The following NKAIN3 variants were observed in gnomAD, a reference collection of about 807,000 sequenced individuals.
NKAIN3 encodes sodium/potassium-transporting ATPase subunit beta-1-interacting protein 3.
A neutral mutation model predicts 30.2 loss-of-function variants in NKAIN3; 25 were observed. That is an observed-to-expected ratio of 0.83 (90% CI 0.60 to 1.16). The LOEUF (loss-of-function observed/expected upper bound fraction) is 1.16. Ranked by LOEUF, NKAIN3 falls within the 50% of genes most tolerant of loss-of-function variation. The pLI is 0.00. For missense variants in NKAIN3, 225 were observed against 254.1 expected, an observed-to-expected ratio of 0.89 and a Z score of 0.78; for synonymous variants, 91 against 89.6, an observed-to-expected ratio of 1.02 and a Z score of -0.09.
chr8:62,831,287 G>C (rs1819190230), intron 4 of NKAIN3, among the ~76,000 whole-genome samples: 1 of 152,120 alleles, frequency 6.6e-6, no homozygotes, highest in South Asian at 2.1e-4. Flanking sequence ...AGCATCCCCA[G>C]ATGAGACGGA....
chr8:62,676,662 A>G (rs554215871), intron 3 of NKAIN3, among the ~76,000 whole-genome samples: 25 of 152,114 alleles, frequency 1.6e-4, no homozygotes, highest in Non-Finnish European at 2.9e-4. Flanking sequence ...GTTAAGTTAT[A>G]TGAGGTTTAT....
intron 1 of NKAIN3, among the ~76,000 whole-genome samples, chr8:62,499,877 G>A (rs1206979865): frequency 7.4e-6 from 1 of 134,288 alleles, no homozygotes; most frequent in Non-Finnish European, 1.6e-5. Context: ...TTTTCTTTTT[G>A]TGTCCTTGTC....
chr8:62,657,564 G>T (rs1812797081), intron 3 of NKAIN3, among the ~76,000 whole-genome samples: 1 of 152,144 alleles, frequency 6.6e-6, no homozygotes, highest in Non-Finnish European at 1.5e-5. Context: ...ATAAAACTTT[G>T]TGGTTTACAT....
At chr8:62,570,057 T>A (rs1297682056) in intron 1 of NKAIN3, among the ~76,000 whole-genome samples, 2 of 152,206 alleles carry the variant, frequency 1.3e-5, no homozygotes. Context: ...GTTTTAATCT[T>A]TTTCATTGTG....
chr8:62,463,328 G>A (rs1047243361), intron 1 of NKAIN3, among the ~76,000 whole-genome samples: 4 of 152,170 alleles, frequency 2.6e-5, no homozygotes, highest in African/African-American at 7.2e-5. Context: ...CTCAGAAAAT[G>A]TTGAAAATCT....
At chr8:62,607,216 T>C (rs1811156560) in intron 3 of NKAIN3, among the ~76,000 whole-genome samples, 2 of 152,190 alleles carry the variant, frequency 1.3e-5, no homozygotes, top group South Asian at 4.1e-4. Flanking sequence ...ATATTCTTGA[T>C]TTAAAATGTC....
At chr8:62,938,644 G>A (rs1339838584) in intron 5 of NKAIN3, among the ~76,000 whole-genome samples, 4 of 152,126 alleles carry the variant, frequency 2.6e-5, no homozygotes, top group African/African-American at 9.7e-5. Flanking sequence ...GACCCAAAGA[G>A]AAATAACAAT....
chr8:62,951,868 T>G (rs2130895042), intron 5 of NKAIN3, among the ~76,000 whole-genome samples: 1 of 152,288 alleles, frequency 6.6e-6, no homozygotes, highest in East Asian at 1.9e-4. Context: ...TGGCATGATC[T>G]CAGCTCACTG....
chr8:62,431,768 C>A (rs1246192481), intron 1 of NKAIN3, among the ~76,000 whole-genome samples: 2 of 150,142 alleles, frequency 1.3e-5, no homozygotes, highest in Non-Finnish European at 3.0e-5. Flanking sequence ...GTCTTGTTAC[C>A]AGTCGGTAGT....
intron 1 of NKAIN3, among the ~76,000 whole-genome samples, chr8:62,374,710 T>C (rs555412728): frequency 6.6e-6 from 1 of 152,290 alleles, no homozygotes; most frequent in South Asian, 2.1e-4. Context: ...GATTGAAAGA[T>C]TGAAGTAAAT....
intron 4 of NKAIN3, among the ~76,000 whole-genome samples, chr8:62,811,552 T>C (rs1453370383): frequency 6.6e-6 from 1 of 152,066 alleles, no homozygotes; most frequent in Admixed American, 6.6e-5. Context: ...TCATTATTTC[T>C]TTATTTTAAC....
intron 1 of NKAIN3, among the ~76,000 whole-genome samples, chr8:62,517,392 C>T (rs1475918101): frequency 6.6e-6 from 1 of 152,088 alleles, no homozygotes; most frequent in Non-Finnish European, 1.5e-5. Context: ...GTTCTTCATC[C>T]CAGTTTTGGT....
At chr8:62,510,202 A>G (rs770447030) in intron 1 of NKAIN3, among the ~76,000 whole-genome samples, 1 of 152,196 alleles carries the variant, frequency 6.6e-6, no homozygotes, top group Non-Finnish European at 1.5e-5. Flanking sequence ...AACAGTGAAT[A>G]GTTAGGTATT....
chr8:62,826,941 T>C (rs574450723), intron 4 of NKAIN3, among the ~76,000 whole-genome samples: 1 of 152,324 alleles, frequency 6.6e-6, no homozygotes, highest in African/African-American at 2.4e-5. Context: ...CAGAACGGGC[T>C]ATCAAGGTCT....
chr8:62,336,879 T>C (rs1815568652), intron 1 of NKAIN3, among the ~76,000 whole-genome samples: 1 of 152,058 alleles, frequency 6.6e-6, no homozygotes, highest in Non-Finnish European at 1.5e-5. Flanking sequence ...TTTTAGGCTT[T>C]GTGGGCTGTA....
At chr8:62,681,293 T>C (rs1198843380) in intron 3 of NKAIN3, among the ~76,000 whole-genome samples, 3 of 152,248 alleles carry the variant, frequency 2.0e-5, no homozygotes, top group Non-Finnish European at 4.4e-5. Flanking sequence ...TTTGAGATTA[T>C]TGAATGAGAG....
intron 1 of NKAIN3, among the ~76,000 whole-genome samples, chr8:62,542,328 A>C (rs1020872015): frequency 6.6e-6 from 1 of 152,188 alleles, no homozygotes; most frequent in African/African-American, 2.4e-5. Flanking sequence ...AAGAAGGGAC[A>C]GTCATTCTGC....
At chr8:62,500,445 GA>G (rs1415370289) in intron 1 of NKAIN3, among the ~76,000 whole-genome samples, 2 of 110,372 alleles carry the variant, frequency 1.8e-5, no homozygotes, top group East Asian at 2.4e-4. Context: ...AAGAAAGAAA[GA>G]AAGAAAGAAA....
At chr8:62,568,818 C>A (rs1165771017) in intron 1 of NKAIN3, among the ~76,000 whole-genome samples, 1 of 152,078 alleles carries the variant, frequency 6.6e-6, no homozygotes, top group Non-Finnish European at 1.5e-5. Context: ...GGGACTAAAA[C>A]ACATATAAAC....
Sources: allele counts gnomAD v4.1 joint callset (sites outside exome capture counted in the v4.1 genomes callset), GRCh38; gene constraint gnomAD v4.1.1; transcripts MANE v1.5; gene names NCBI Gene and HGNC (gene_info 2026-07-23, HGNC 2026-07-21).